Variants in ADGRL2 observed in about 807,000 individuals in gnomAD.
The protein encoded by ADGRL2 is calcium-independent alpha-latrotoxin receptor 2.
In ADGRL2, 44 loss-of-function variants were observed where a neutral mutation model predicts 157.4. The ratio of observed to expected loss-of-function variants is 0.28; its 90% CI spans 0.22 to 0.36. The LOEUF (loss-of-function observed/expected upper bound fraction) is 0.36, where lower values mean the gene tolerates loss of function less well. Ranked by LOEUF, ADGRL2 falls within the 10% of genes least tolerant of loss-of-function variation. The pLI is 1.00. For synonymous variants in ADGRL2, 585 were observed against 624.7 expected, an observed-to-expected ratio of 0.94 and a Z score of 0.95; for missense variants, 1,510 against 1,768.9, an observed-to-expected ratio of 0.85 and a Z score of 2.63.
chr1:81,948,222 A>T (rs1366132222), intron 6 of ADGRL2, among the ~76,000 whole-genome samples: 1 of 148,946 alleles, frequency 6.7e-6, no homozygotes, highest in East Asian at 2.0e-4. Flanking sequence ...TCTCAAAAAA[A>T]AAAACAAAAA....
intron 2 of ADGRL2, among the ~76,000 whole-genome samples, chr1:81,839,920 TATATGATGGAATATATATATATA>T (rs2092484845): frequency 7.9e-6 from 1 of 127,242 alleles, no homozygotes; most frequent in Non-Finnish European, 1.6e-5. Flanking sequence ...CCATCATATA[TATATGATGGAATATATATATATA>T]ATATATATAT....
At chr1:81,479,804 G>A (rs1427733857) in intron 2 of ADGRL2, among the ~76,000 whole-genome samples, 1 of 152,074 alleles carries the variant, frequency 6.6e-6, no homozygotes, top group African/African-American at 2.4e-5. Flanking sequence ...TGTTTCTAAA[G>A]CTTAAATTTT....
intron 2 of ADGRL2, among the ~76,000 whole-genome samples, chr1:81,791,000 G>C (rs530695529): frequency 1.3e-4 from 19 of 147,296 alleles, no homozygotes; most frequent in African/African-American, 4.3e-4. Context: ...CAGGGAGGTG[G>C]AGGTTATGGT....
upstream of ADGRL2, among the ~76,000 whole-genome samples, chr1:81,798,925 TG>T (rs3841069): frequency 0.57 from 86,577 of 151,864 alleles, 25,091 homozygotes; most frequent in East Asian, 0.69. Flanking sequence ...TTGTGAATGG[TG>T]CCCAGATGAG....
intron 2 of ADGRL2, among the ~76,000 whole-genome samples, chr1:81,469,379 G>A (rs2101856292): frequency 6.6e-6 from 1 of 152,248 alleles, no homozygotes; most frequent in African/African-American, 2.4e-5. Context: ...TCTTTTCTGA[G>A]AAGCGTCACA....
chr1:81,487,106 A>AG (rs1553169345), intron 2 of ADGRL2, among the ~76,000 whole-genome samples: 7,985 of 144,044 alleles, frequency 0.055, 804 homozygotes, highest in African/African-American at 0.19. Flanking sequence ...AAAAAAAAAA[A>AG]AAAGAAAGTA....
chr1:81,420,520 A>C (rs1035523066), intron 1 of ADGRL2, among the ~76,000 whole-genome samples: 2 of 152,246 alleles, frequency 1.3e-5, no homozygotes, highest in Non-Finnish European at 2.9e-5. Flanking sequence ...TCAGCTCAGC[A>C]TGATTTTTCA....
intron 2 of ADGRL2, among the ~76,000 whole-genome samples, chr1:81,445,624 T>C (rs1451058098): frequency 6.6e-6 from 1 of 152,182 alleles, no homozygotes; most frequent in Non-Finnish European, 1.5e-5. Flanking sequence ...TTCCTGGTTA[T>C]TACTAAGTAA....
rs527774757 is a variant in ADGRL2 at position 81,472,658 on chromosome 1, A to T, written c.-248+27569A>T. On this transcript the variant is annotated intron_variant, in intron 2 of 24. Transcript: ENST00000370721. ...AAAAAAAGGAAAGGAAAGGAAAGGG[A>T]AAGGGAAAGGAATCTTGCATTTAAT... Among the ~76,000 whole-genome samples the T allele has an allele frequency of 2.6e-5, 4 of 152,228 alleles. No individual in the cohort carries two copies. The East Asian group carries it at 7.7e-4, about 29-fold the overall frequency.
chr1:81,861,981 T>A lies in ADGRL2; in HGVS notation c.73+24924T>A, dbSNP rs188512151. Among the ~76,000 whole-genome samples the A allele has an allele frequency of 2.2e-3, 337 of 152,336 alleles. 1 individual carries two copies. The highest frequency in any genetic ancestry group is 2.1e-3 in the Non-Finnish European group (146 of 68,040). On this transcript the variant is annotated intron_variant, in intron 2 of 23. Coordinates refer to ENST00000686636, the MANE Select transcript of ADGRL2 (RefSeq NM_001366006.2). ...TTTGTTGTAGAAAAATTTATAATTG[T>A]TTTTTGTTAATTACATCCGTCTTTT...
chr1:81,690,744 A>G (rs951617853), intron 3 of ADGRL2, among the ~76,000 whole-genome samples: 1 of 152,102 alleles, frequency 6.6e-6, no homozygotes, highest in Admixed American at 6.5e-5. Flanking sequence ...TTCTAGGCAA[A>G]CCTACACTTT....
At chr1:81,759,130 T>A (rs2085786747) in intron 1 of ADGRL2, among the ~76,000 whole-genome samples, 1 of 152,168 alleles carries the variant, frequency 6.6e-6, no homozygotes, top group Admixed American at 6.5e-5. Context: ...AGATTTTGAT[T>A]GCTGTAATTA....
At chr1:81,857,671 C>T (rs772924344) in intron 2 of ADGRL2, among the ~76,000 whole-genome samples, 4 of 152,040 alleles carry the variant, frequency 2.6e-5, no homozygotes, top group Non-Finnish European at 5.9e-5. Context: ...GGATTTTGTT[C>T]TTGATCTATA....
chr1:81,915,660 T>C (rs368022631), intron 3 of ADGRL2, among the ~76,000 whole-genome samples: 3 of 152,140 alleles, frequency 2.0e-5, no homozygotes, highest in East Asian at 1.9e-4. Flanking sequence ...TGAACAGATA[T>C]AGGCTGGATA....
At chr1:81,598,607 A>T (rs1553128609) in intron 3 of ADGRL2, among the ~76,000 whole-genome samples, 1 of 152,188 alleles carries the variant, frequency 6.6e-6, no homozygotes, top group Non-Finnish European at 1.5e-5. Flanking sequence ...ACTGGAACAA[A>T]TTTTTGTATT....
intron 1 of ADGRL2, among the ~76,000 whole-genome samples, chr1:81,726,961 T>A (rs2084550471): frequency 6.6e-6 from 1 of 152,234 alleles, no homozygotes; most frequent in African/African-American, 2.4e-5. Context: ...GAACCAAGTT[T>A]ACATTAAATT....
At chr1:81,549,625 C>T (rs1474108046) in intron 2 of ADGRL2, among the ~76,000 whole-genome samples, 1 of 152,150 alleles carries the variant, frequency 6.6e-6, no homozygotes, top group African/African-American at 2.4e-5. Flanking sequence ...GAATCTGGCA[C>T]CATTGAGAAG....
chr1:81,905,246 C>G (rs571842423), intron 2 of ADGRL2, among the ~76,000 whole-genome samples: 3 of 151,820 alleles, frequency 2.0e-5, no homozygotes, highest in Non-Finnish European at 4.4e-5. Flanking sequence ...TACAGGCATG[C>G]GCCACCACAC....
At chr1:81,498,362 G>C (rs532531698) in intron 2 of ADGRL2, among the ~76,000 whole-genome samples, 1 of 152,196 alleles carries the variant, frequency 6.6e-6, no homozygotes, top group East Asian at 1.9e-4. Context: ...ACCCTTTTGA[G>C]TAGAATTTTT....
Sources: allele counts gnomAD v4.1 joint callset (sites outside exome capture counted in the v4.1 genomes callset), GRCh38; gene constraint gnomAD v4.1.1; transcripts MANE v1.5; gene names NCBI Gene and HGNC (gene_info 2026-07-23, HGNC 2026-07-21).